Variants in MAST2 observed in about 807,000 individuals in gnomAD.
MAST2 encodes microtubule-associated serine/threonine-protein kinase 2.
In MAST2, 70 loss-of-function variants were observed where a neutral mutation model predicts 147.4. That is an observed-to-expected ratio of 0.47 (90% confidence interval 0.39 to 0.58). The LOEUF (loss-of-function observed/expected upper bound fraction) is 0.58, where lower values mean the gene tolerates loss of function less well. Ranked by LOEUF, MAST2 falls within the 20% of genes least tolerant of loss-of-function variation. The pLI, the probability that MAST2 is intolerant of heterozygous loss-of-function variation, is 0.00. For missense variants in MAST2, 2,080 were observed against 2,302.3 expected, an observed-to-expected ratio of 0.90 and a Z score of 1.98; for synonymous variants, 869 against 896.8, an observed-to-expected ratio of 0.97 and a Z score of 0.55.
chr1:45,814,955 C>T (rs1013763578), intron 1 of MAST2, among the ~76,000 whole-genome samples: 4 of 152,092 alleles, frequency 2.6e-5, no homozygotes, highest in Admixed American at 2.0e-4. Flanking sequence ...AGAATAGTCT[C>T]CCTAGGTTTT....
chr1:46,016,333 C>T (rs1645938483), intron 10 of MAST2, among the ~76,000 whole-genome samples: 1 of 151,372 alleles, frequency 6.6e-6, no homozygotes, highest in Non-Finnish European at 1.5e-5. Flanking sequence ...CTGGCCAGGG[C>T]AATGAGGCAG....
chr1:46,020,826 G>C (rs984560119), intron 11 of MAST2, among the ~76,000 whole-genome samples: 1 of 152,172 alleles, frequency 6.6e-6, no homozygotes, highest in Non-Finnish European at 1.5e-5. Flanking sequence ...CTTTCACTCA[G>C]CATGTTTGTA....
intron 5 of MAST2, among the ~76,000 whole-genome samples, chr1:45,976,469 T>C (rs1026765376): frequency 3.3e-5 from 5 of 152,114 alleles, no homozygotes; most frequent in Non-Finnish European, 7.4e-5. Flanking sequence ...TAGTGGCACA[T>C]GCCTGTAATC....
At chr1:45,960,212 T>A (rs1344499230) in intron 5 of MAST2, among the ~76,000 whole-genome samples, 1 of 152,088 alleles carries the variant, frequency 6.6e-6, no homozygotes, top group East Asian at 1.9e-4. Context: ...GAAGAATAGA[T>A]AAAAATTATG....
intron 4 of MAST2, among the ~76,000 whole-genome samples, chr1:45,898,347 C>T (rs1015442437): frequency 1.3e-5 from 2 of 152,092 alleles, no homozygotes; most frequent in East Asian, 3.8e-4. Context: ...CTGTTTTAGA[C>T]AACCAATGTT....
intron 1 of MAST2, among the ~76,000 whole-genome samples, chr1:45,822,730 C>G (rs1232693583): frequency 6.6e-6 from 1 of 151,672 alleles, no homozygotes; most frequent in African/African-American, 2.4e-5. Flanking sequence ...CCTAGAGCTT[C>G]TTGCTGTGCT....
chr1:45,984,326 CAG>C (rs1415563036), intron 5 of MAST2, among the ~76,000 whole-genome samples: 2 of 148,422 alleles, frequency 1.3e-5, no homozygotes, highest in East Asian at 2.0e-4. Context: ...TTTTTTGAGA[CAG>C]AGTCTCATTC....
intron 5 of MAST2, among the ~76,000 whole-genome samples, chr1:45,967,937 G>GT (rs1238454088): frequency 6.6e-6 from 1 of 152,174 alleles, no homozygotes; most frequent in Non-Finnish European, 1.5e-5. Context: ...TGTGCATAAT[G>GT]TATGTAAAAG....
chr1:45,853,240 T>C (rs993666120), intron 3 of MAST2, among the ~76,000 whole-genome samples: 11 of 152,146 alleles, frequency 7.2e-5, no homozygotes, highest in African/African-American at 2.2e-4. Flanking sequence ...CTATAAACTT[T>C]TAAAAGTTTT....
At chr1:45,913,970 C>A in intron 4 of MAST2, 1 of 914,206 alleles carries the variant, frequency 1.1e-6, no homozygotes, top group Non-Finnish European at 1.4e-6. Flanking sequence ...TGGATGAAGA[C>A]TGTTTTGGAG....
intron 4 of MAST2, among the ~76,000 whole-genome samples, chr1:45,910,125 T>TA (rs1046082057): frequency 8.6e-5 from 13 of 151,634 alleles, no homozygotes; most frequent in African/African-American, 3.1e-4. Flanking sequence ...TTTTTTTTTT[T>TA]TCCCCAAATT....
At chr1:45,836,999 C>T (rs181674255) in intron 3 of MAST2, among the ~76,000 whole-genome samples, 4 of 152,292 alleles carry the variant, frequency 2.6e-5, no homozygotes, top group East Asian at 3.9e-4. Context: ...CCCTCGTATG[C>T]GCAGTTCACA....
intron 4 of MAST2, among the ~76,000 whole-genome samples, chr1:45,898,810 A>T (rs1299599333): frequency 6.6e-6 from 1 of 152,184 alleles, no homozygotes; most frequent in East Asian, 1.9e-4. Flanking sequence ...GCACTGCTGC[A>T]TTGCCCCCAT....
rs537233773 is a variant in MAST2, at chr1:45,962,220, G to A, written c.592+2743G>A. ...AGCCTTTGCTATTGTGAGTCATGCC[G>A]CAATAAACATACAAGTACATGTGTC... is the stretch of plus-strand genomic sequence containing the variant. On this transcript the variant is annotated intron_variant, in intron 5 of 28. Coordinates refer to ENST00000361297, the MANE Select transcript of MAST2 (RefSeq NM_015112.3). Among the ~76,000 whole-genome samples, 316 of 152,218 alleles carry A rather than the reference G, an allele frequency of 2.1e-3. 1 individual carries two copies. The highest frequency in any genetic ancestry group is 3.4e-3 in the Non-Finnish European group (230 of 68,006).
rs190756963 is a variant in MAST2 at position 45,954,289 on chromosome 1, A to G, written c.501-5097A>G. Among the ~76,000 whole-genome samples, 889 of 152,240 alleles carry G rather than the reference A, an allele frequency of 5.8e-3. 4 individuals carry two copies. The highest frequency in any genetic ancestry group is 0.021 in the South Asian group (102 of 4,826). On this transcript the variant is annotated intron_variant, in intron 4 of 28. Coordinates refer to ENST00000361297, the MANE Select transcript of MAST2 (RefSeq NM_015112.3). ...GCTCTTGCAGGGGTCAGATTTTCCG[A>G]GTGCCTGCTAGTTGCTGGAGGGAGG...
chr1:45,815,316 C>T (rs1570187122), intron 1 of MAST2, among the ~76,000 whole-genome samples: 2 of 151,886 alleles, frequency 1.3e-5, no homozygotes, highest in East Asian at 3.9e-4. Context: ...ACTACAGGCA[C>T]ATGCCATCAC....
intron 5 of MAST2, among the ~76,000 whole-genome samples, chr1:45,979,196 A>G (rs980490523): frequency 6.6e-6 from 1 of 152,194 alleles, no homozygotes; most frequent in African/African-American, 2.4e-5. Flanking sequence ...TTAAACCTAG[A>G]TGGTGTTTAC....
chr1:45,959,532 A>G (rs1307858986), intron 5 of MAST2, 55 bp downstream of exon 5: 4 of 1,415,724 alleles, frequency 2.8e-6, no homozygotes, highest in South Asian at 1.2e-5. Context: ...CAGATGCCCA[A>G]TTTCTTTCCT....
Position 46,026,946 on chromosome 1 carries a change from GTTA to G in MAST2, c.1920-784_1920-782del, listed in dbSNP as rs113164617. Among the ~76,000 whole-genome samples the G allele has an allele frequency of 4.0e-4, 61 of 152,268 alleles. 1 individual carries two copies. The Middle Eastern group carries it at 0.034, about 85-fold the overall frequency. On this transcript the variant is annotated intron_variant, in intron 16 of 28. Transcript: ENST00000361297. ...GAATAATTACACCTACCTTTGATGT[GTTA>G]CTCTAGAAAACATTTCAGGGGCCAG...
Sources: allele counts gnomAD v4.1 joint callset (sites outside exome capture counted in the v4.1 genomes callset), GRCh38; gene constraint gnomAD v4.1.1; transcripts MANE v1.5; gene names NCBI Gene and HGNC (gene_info 2026-07-23, HGNC 2026-07-21).